Variants in CNP observed in about 807,000 individuals in gnomAD.
CNP encodes 2',3'-cyclic nucleotide 3' phosphodiesterase, also known as 2',3'-cyclic-nucleotide 3'-phosphodiesterase.
In CNP, 8 loss-of-function variants were observed where a neutral mutation model predicts 37.9. That is an observed-to-expected ratio of 0.21 (90% CI 0.12 to 0.38). CNP has a LOEUF of 0.38. Among genes scored for constraint, CNP ranks in the 10% least tolerant of loss-of-function variants. The pLI is 1.00. For missense variants in CNP, 457 were observed against 551.0 expected (o/e 0.83, Z 1.71); for synonymous variants, 237 against 238.3 (o/e 0.99, Z 0.05).
At position 41,977,590 on chromosome 17, in the gene CNP, G is replaced by GGGA; in HGVS notation, c.*3668_*3669insAGG. 3.0e-6 allele frequency: 1 copy of GGGA among 334,486 alleles called. No individual in the cohort carries two copies. The highest frequency in any genetic ancestry group is 2.1e-5 in the African/African-American group (1 of 47,252). The allele number at this position is 334,486 out of a possible 1,614,324, so 20.7% of individuals were successfully genotyped here. On this transcript the variant is annotated 3_prime_UTR_variant, in exon 4 of 4. Coordinates refer to ENST00000393892, the MANE Select transcript of CNP (RefSeq NM_033133.5). ...TTTCTCTGCTTCAGCTTGCTTCATT[G>GGGA]GGCTGTTTTCTCAACAAATGGAATG...
intron 1 of CNP, 62 bp downstream of exon 1, chr17:41,966,949 C>A (rs2050905877): frequency 1.6e-6 from 2 of 1,272,256 alleles, no homozygotes; most frequent in Non-Finnish European, 2.0e-6. Flanking sequence ...GTGTCGGGGC[C>A]CCTCGGGAGG....
Position 41,968,423 on chromosome 17 carries a change from T to C in CNP, c.359T>C (p.Val120Ala). The C allele has an allele frequency of 6.2e-7, 1 of 1,614,158 alleles. No homozygotes were observed. Among genetic ancestry groups the C allele is most frequent in the African/African-American group, 1.3e-5 (1 of 75,032 alleles). The part of the protein sequence containing the change: ...YCRRRDIRIL[V>A]LDDTNHERER... Reference sequence around the variant, plus strand: ...CGCCGCCGGGACATCAGAATTCTTGTGCTTGATGACACCAACCACGAACGG... The same window carrying C: ...CGCCGCCGGGACATCAGAATTCTTGCGCTTGATGACACCAACCACGAACGG... Residue 120 changes from valine to alanine, a missense_variant, in exon 2 of 4, where the codon GTG becomes GCG. By Grantham distance (64) the Val-to-Ala change is moderately conservative. Coordinates refer to ENST00000393892, the MANE Select transcript of CNP (RefSeq NM_033133.5). The surrounding 1 kb of genome is among the most constrained non-coding windows in gnomAD (Gnocchi z 4.8).
rs2143068833 is a variant in CNP, at chr17:41,976,815, A to G, written c.*2891A>G. On this transcript the variant is annotated 3_prime_UTR_variant, in exon 4 of 4. Transcript: ENST00000393892. ...TTGGTAGTTGGCTATGGATTTTCTA[A>G]GGAAGATCACTTTGCTCTGATTATG... 6.3e-7 allele frequency: 1 copy of G among 1,597,530 alleles called. No individual in the cohort carries two copies. Among genetic ancestry groups the G allele is most frequent in the Non-Finnish European group, 8.5e-7 (1 of 1,175,612 alleles).
Position 41,976,785 on chromosome 17 carries a change from A to C in CNP, c.*2861A>C. 1 of 1,607,480 alleles carries C rather than the reference A, an allele frequency of 6.2e-7. No individual in the cohort carries two copies. Among genetic ancestry groups the C allele is most frequent in the East Asian group, 2.2e-5 (1 of 44,806 alleles). ...TGGACCAGATGCTGAAAGAGAAAAG[A>C]GGGGTTGGTAGTTGGCTATGGATTT... On this transcript the variant is annotated 3_prime_UTR_variant, in exon 4 of 4. Coordinates refer to ENST00000393892, the MANE Select transcript of CNP (RefSeq NM_033133.5).
chr17:41,967,520 G>A, intron 1 of CNP: 1 of 307,910 alleles, frequency 3.2e-6, no homozygotes, highest in Non-Finnish European at 4.8e-6. Flanking sequence ...CAGGCTTGGT[G>A]AAAGAGGGCC....
chr17:41,973,561 G>A lies in CNP; in HGVS notation c.903G>A (p.Glu301=). Residue 301 remains glutamate, a synonymous_variant, in exon 4 of 4, where the codon GAG becomes GAA. Transcript: ENST00000393892. ...CCAAGACGACTGGGGCCCGGGTGGA[G>A]TTAAGCGAGCAGCAACTGCAGTTGT... The part of the protein sequence containing the change: ...VTPKTTGARV[E]LSEQQLQLWP... 6.2e-7 allele frequency: 1 copy of A among 1,614,256 alleles called. No homozygotes were observed. The highest frequency in any genetic ancestry group is 1.1e-5 in the South Asian group (1 of 91,090).
chr17:41,973,293 C>T (rs576962170), intron 3 of CNP, among the ~76,000 whole-genome samples, 182 bp from the exon 4 acceptor site: 10 of 152,322 alleles, frequency 6.6e-5, no homozygotes, highest in Admixed American at 2.6e-4. Flanking sequence ...GAGCCTGGAG[C>T]GCCTATGGAA....
chr17:41,968,123 A>G lies in CNP; in HGVS notation c.59A>G (p.Lys20Arg), dbSNP rs199923805. Residue 20 changes from lysine (K) to arginine (R), a missense_variant, in exon 2 of 4, where the codon AAG (lysine) becomes AGG (arginine). Around this residue, in one of 2 missense-constraint regions of CNP, gnomAD observed 166 missense variants for 259.3 expected, o/e 0.64. Coordinates refer to ENST00000393892, the MANE Select transcript of CNP (RefSeq NM_033133.5). This position sits in a 1 kb window ranked among gnomAD's most constrained non-coding sequence, Gnocchi z 4.8. ...TTCCTGCCCAAGATCTTCTTCCGCA[A>G]GATGTCATCCTCAGGGGCCAAGGAC... ...HTFLPKIFFRKMSSSGAKDKP... is the reference protein window; with the variant it reads ...HTFLPKIFFRRMSSSGAKDKP... 1.2e-6 allele frequency: 2 copies of G among 1,614,250 alleles called. No homozygotes were observed. The highest frequency in any genetic ancestry group is 2.2e-5 in the East Asian group (1 of 44,878).
intron 3 of CNP, among the ~76,000 whole-genome samples, chr17:41,973,256 G>C (rs1159773023): frequency 6.6e-6 from 1 of 152,238 alleles, no homozygotes. Flanking sequence ...GTGTGGCCCT[G>C]TCTGAGCGCC....
At chr17:41,967,561 A>T in intron 1 of CNP, 1 of 683,564 alleles carries the variant, frequency 1.5e-6, no homozygotes, top group Non-Finnish European at 1.8e-6. Flanking sequence ...CCTGCCCCCC[A>T]CCAGCCCTTC....
chr17:41,970,028 T>C lies in CNP; in HGVS notation c.676+1288T>C, dbSNP rs116362540. On this transcript the variant is annotated intron_variant, in intron 2 of 3. Coordinates refer to ENST00000393892, the MANE Select transcript of CNP (RefSeq NM_033133.5). ...GTGAACTGTGGTGCTTGCAGTGACATTGGCCAGGAGCAAGCCCTGTACCTG... is the reference window on the plus strand; with the variant it reads ...GTGAACTGTGGTGCTTGCAGTGACACTGGCCAGGAGCAAGCCCTGTACCTG... 2.7e-3 allele frequency among the ~76,000 whole-genome samples: 410 copies of C among 152,334 alleles called. 3 individuals are homozygous for C. The highest frequency in any genetic ancestry group is 9.5e-3 in the African/African-American group (395 of 41,576).
At chr17:41,967,021 G>A (rs181923810) in intron 1 of CNP, 134 bp downstream of exon 1, 6 of 1,073,666 alleles carry the variant, frequency 5.6e-6, no homozygotes, top group East Asian at 3.2e-5. Context: ...TTGGTACTCA[G>A]GGCGGCCCTG....
At position 41,971,960 on chromosome 17, in the gene CNP, G is replaced by A. The variant is rs782282780; in HGVS notation, c.745G>A (p.Val249Met). Reference protein sequence around the residue: ...VTYFGKRPPGVLHCTTKFCDY... With the variant: ...VTYFGKRPPGMLHCTTKFCDY... ...CTACTTTGGAAAGAGACCCCCAGGC[G>A]TGCTGCATTGCACAACCAAGTTTTG... Residue 249 changes from valine to methionine, a missense_variant, in exon 3 of 4, where the codon GTG (valine) becomes ATG (methionine). By Grantham distance (21) the Val-to-Met change is conservative. Around this residue, in one of 2 missense-constraint regions of CNP, gnomAD observed 291 missense variants for 291.7 expected, o/e 1.00. Coordinates refer to ENST00000393892, the MANE Select transcript of CNP (RefSeq NM_033133.5). 7 of 1,613,962 alleles carry A rather than the reference G, an allele frequency of 4.3e-6. No individual in the cohort carries two copies. Among genetic ancestry groups the A allele is most frequent in the South Asian group, 3.3e-5 (3 of 91,074 alleles).
rs149558791 is a variant in CNP, at chr17:41,976,939, ACT to A, written c.*3016_*3017del. The A allele has an allele frequency of 1.7e-3, 1,272 of 740,082 alleles. 15 individuals are homozygous for A. The African/African-American group carries it at 0.018, about 11-fold the overall frequency. 45.8% of individuals were successfully genotyped at this position (740,082 alleles called of 1,614,324 possible). On this transcript the variant is annotated 3_prime_UTR_variant, in exon 4 of 4. Coordinates refer to ENST00000393892, the MANE Select transcript of CNP (RefSeq NM_033133.5). ...TTTTGGGTGCAAGAGGGAGCACGTG[ACT>A]GTATTATACATGGGTAGCTTCTGAC... is the stretch of plus-strand genomic sequence containing the variant.
In CNP at chr17:41,966,856, AGGC is replaced by A. The variant is rs1555642951; in HGVS notation, c.-24_-22del. On this transcript the variant is annotated 5_prime_UTR_variant, in exon 1 of 4. Transcript: ENST00000393892. ...GGCCCCGGAGCGCTGGTGCCGGCAG[AGGC>A]GGCGACGGTGGCGCCCCTCCTCATC... 2 of 1,366,722 alleles carry A rather than the reference AGGC, an allele frequency of 1.5e-6. No homozygotes were observed. Among genetic ancestry groups the A allele is most frequent in the South Asian group, 3.4e-5 (2 of 59,404 alleles). 84.7% of individuals were successfully genotyped at this position (1,366,722 alleles called of 1,614,324 possible). A position where few individuals can be genotyped will look rare whatever the true frequency, so the allele number is the denominator to read the frequency against.
rs782764186 is a variant in CNP, at chr17:41,972,071, T to TG, written c.816+45dup. 5 of 1,606,284 alleles carry TG rather than the reference T, an allele frequency of 3.1e-6. No homozygotes were observed. In the East Asian group the frequency reaches 9.0e-5, roughly 29 times the overall value. On this transcript the variant is annotated intron_variant, in intron 3 of 3. Transcript: ENST00000393892. ...GGGACACATGGGGGAGGTGGGAGGT[T>TG]GGGGGAGAAGGGGCTGCAGCATCTT...
At chr17:41,973,058 T>C (rs1193521395) in intron 3 of CNP, among the ~76,000 whole-genome samples, 1 of 152,202 alleles carries the variant, frequency 6.6e-6, no homozygotes, top group Non-Finnish European at 1.5e-5. Context: ...TAGCAGCTGT[T>C]GTGTGCGCGG....
rs781975778 is a variant in CNP, at chr17:41,973,843, G to A, written c.1185G>A (p.Thr395=). 36 of 1,605,120 alleles carry A rather than the reference G, an allele frequency of 2.2e-5. No homozygotes were observed. Among genetic ancestry groups the A allele is most frequent in the Admixed American group, 3.4e-5 (2 of 59,270 alleles). Residue 395 remains threonine (T), a synonymous_variant, in exon 4 of 4, where the codon ACG becomes ACA. Coordinates refer to ENST00000393892, the MANE Select transcript of CNP (RefSeq NM_033133.5). The part of the protein sequence containing the change: ...AKNMEVRAIF[T]GYYGKGKPVP... ...ACATGGAGGTCAGGGCCATCTTCAC[G>A]GGGTACTACGGGAAAGGCAAACCTG...
intron 2 of CNP, among the ~76,000 whole-genome samples, chr17:41,969,264 T>C (rs2050949522): frequency 6.6e-6 from 1 of 152,174 alleles, no homozygotes; most frequent in Non-Finnish European, 1.5e-5. Context: ...CTGCTCAATT[T>C]ACTCATGGGT....
Sources: allele counts gnomAD v4.1 joint callset (sites outside exome capture counted in the v4.1 genomes callset), GRCh38; gene constraint gnomAD v4.1.1; regional missense constraint gnomAD v4.1.1; non-coding constraint Gnocchi (gnomAD v3.1); transcripts MANE v1.5; gene names NCBI Gene and HGNC (gene_info 2026-07-23, HGNC 2026-07-21).